PTPN14: variants seen among roughly 807,000 people sequenced by gnomAD.
The protein encoded by PTPN14 is tyrosine-protein phosphatase non-receptor type 14.
A neutral mutation model predicts 126.8 loss-of-function variants in PTPN14; 53 were observed. The ratio of observed to expected loss-of-function variants is 0.42; its 90% CI spans 0.34 to 0.53. PTPN14 has a LOEUF of 0.53. Ranked by LOEUF, PTPN14 falls within the 20% of genes least tolerant of loss-of-function variation. PTPN14 has a pLI of 0.08. For synonymous variants in PTPN14, 630 were observed against 599.3 expected, an observed-to-expected ratio of 1.05 and a Z score of -0.75; for missense variants, 1,257 against 1,552.9, an observed-to-expected ratio of 0.81 and a Z score of 3.20.
chr1:214,359,340 A>G (rs1657899063), intron 18 of PTPN14, among the ~76,000 whole-genome samples: 1 of 150,054 alleles, frequency 6.7e-6, no homozygotes, highest in Non-Finnish European at 1.5e-5. Flanking sequence ...CAGCCTCCTG[A>G]GTAGCTGGGA....
chr1:214,543,029 G>A (rs993352084), intron 1 of PTPN14, among the ~76,000 whole-genome samples: 7 of 152,210 alleles, frequency 4.6e-5, no homozygotes, highest in African/African-American at 1.7e-4. Context: ...AGAACAGGCT[G>A]TCTTGGATAT....
At chr1:214,519,026 T>TGG (rs1387580870) in intron 1 of PTPN14, among the ~76,000 whole-genome samples, 3 of 152,146 alleles carry the variant, frequency 2.0e-5, no homozygotes, top group Non-Finnish European at 2.9e-5. Flanking sequence ...CCTAGCACTT[T>TGG]GGGAGTCCAA....
At chr1:214,435,255 C>T (rs113917505) in intron 3 of PTPN14, among the ~76,000 whole-genome samples, 25 of 148,586 alleles carry the variant, frequency 1.7e-4, no homozygotes, top group East Asian at 1.6e-3. Context: ...TGTGTGTGTG[C>T]GTGTGTGTGT....
At chr1:214,444,117 T>C (rs943262987) in intron 3 of PTPN14, among the ~76,000 whole-genome samples, 1 of 152,306 alleles carries the variant, frequency 6.6e-6, no homozygotes, top group African/African-American at 2.4e-5. Context: ...AATCAACTTA[T>C]CTCATTTTGG....
chr1:214,380,181 T>C (rs1242544511), intron 13 of PTPN14, among the ~76,000 whole-genome samples: 1 of 152,230 alleles, frequency 6.6e-6, no homozygotes, highest in African/African-American at 2.4e-5. Flanking sequence ...CTTGGGAATC[T>C]ATTTTCACTG....
chr1:214,497,194 C>CA lies in PTPN14; in HGVS notation c.-154-32238dup, dbSNP rs541779527. ...AAATACTTGCAACATATGTAACAGACAAAAAAAGTTAGTATCAAAGAAATC... is the reference window on the plus strand; with the variant it reads ...AAATACTTGCAACATATGTAACAGACAAAAAAAAGTTAGTATCAAAGAAATC... On this transcript the variant is annotated intron_variant, in intron 1 of 18. Coordinates refer to ENST00000366956, the MANE Select transcript of PTPN14 (RefSeq NM_005401.5). Among the ~76,000 whole-genome samples the CA allele has an allele frequency of 2.4e-4, 37 of 151,552 alleles. 1 individual carries two copies. The South Asian group carries it at 3.7e-3, about 15-fold the overall frequency.
chr1:214,408,469 C>T, intron 5 of PTPN14, among the ~76,000 whole-genome samples: 1 of 152,180 alleles, frequency 6.6e-6, no homozygotes, highest in Non-Finnish European at 1.5e-5. Context: ...GGGGTTAAAA[C>T]CTAGTCTTAT....
At chr1:214,419,723 A>C (rs1659501641) in intron 3 of PTPN14, among the ~76,000 whole-genome samples, 1 of 152,202 alleles carries the variant, frequency 6.6e-6, no homozygotes, top group African/African-American at 2.4e-5. Flanking sequence ...GTAGTCCTAG[A>C]GTCCTGGGGT....
intron 14 of PTPN14, among the ~76,000 whole-genome samples, chr1:214,376,888 G>A (rs1658354960): frequency 6.6e-6 from 1 of 152,048 alleles, no homozygotes; most frequent in South Asian, 2.1e-4. Context: ...GTATTAATTG[G>A]GTTAAATGAT....
chr1:214,377,760 C>G (rs796844161), intron 14 of PTPN14, among the ~76,000 whole-genome samples, 199 bp downstream of exon 14: 2 of 152,248 alleles, frequency 1.3e-5, no homozygotes, highest in African/African-American at 4.8e-5. Context: ...CCGGACAAAG[C>G]AGGAAGACCG....
intron 4 of PTPN14, 105 bp downstream of exon 4, chr1:214,414,524 C>T (rs1051742237): frequency 1.9e-6 from 2 of 1,045,956 alleles, no homozygotes; most frequent in African/African-American, 3.2e-5. Flanking sequence ...GGGAGCATTA[C>T]TAAGGGATCA....
Position 214,353,592 on chromosome 1 carries a change from A to G in PTPN14, c.*4330T>C, listed in dbSNP as rs1657749598. The G allele has an allele frequency of 6.6e-6, 1 of 152,218 alleles. No homozygotes were observed. The highest frequency in any genetic ancestry group is 1.5e-5 in the Non-Finnish European group (1 of 68,040). 9.4% of individuals were successfully genotyped at this position (152,218 alleles called of 1,614,324 possible). ...TTTGGGACCCATACGTCACGTAACA[A>G]GTAGGCTGAGGTCAGCTAATACAGA... On this transcript the variant is annotated 3_prime_UTR_variant, in exon 19 of 19. Transcript: ENST00000366956.
intron 1 of PTPN14, among the ~76,000 whole-genome samples, chr1:214,503,744 G>A (rs1654764187): frequency 6.6e-6 from 1 of 152,152 alleles, no homozygotes; most frequent in Non-Finnish European, 1.5e-5. Context: ...ACTAATGTCA[G>A]CAATGTTGTG....
At chr1:214,405,975 A>G (rs2102571977) in intron 5 of PTPN14, among the ~76,000 whole-genome samples, 1 of 152,306 alleles carries the variant, frequency 6.6e-6, no homozygotes, top group South Asian at 2.1e-4. Context: ...TGCCAACCAC[A>G]GGTCACAGTG....
Position 214,521,757 on chromosome 1 carries a change from T to C in PTPN14, c.-155+29426A>G, listed in dbSNP as rs117110949. 8.6e-4 allele frequency among the ~76,000 whole-genome samples: 130 copies of C among 151,590 alleles called. 3 individuals are homozygous for C. In the East Asian group the frequency reaches 0.023, roughly 26 times the overall value. ...CACACACACACACGAACAAAAGAAC[T>C]AGAAGACTTCAATAAGAAAAACAAC... On this transcript the variant is annotated intron_variant, in intron 1 of 18. Transcript: ENST00000366956.
At chr1:214,442,368 A>G (rs756836103) in intron 3 of PTPN14, among the ~76,000 whole-genome samples, 5 of 152,214 alleles carry the variant, frequency 3.3e-5, no homozygotes, top group Non-Finnish European at 7.3e-5. Flanking sequence ...GGTACATTAT[A>G]GATTTTGAAT....
chr1:214,466,107 C>A (rs1233754098), intron 1 of PTPN14, among the ~76,000 whole-genome samples: 1 of 151,288 alleles, frequency 6.6e-6, no homozygotes, highest in African/African-American at 2.4e-5. Flanking sequence ...CAGGCACCCG[C>A]CACCACACCT....
chr1:214,371,201 C>T (rs1165863552), intron 16 of PTPN14, among the ~76,000 whole-genome samples: 1 of 152,140 alleles, frequency 6.6e-6, no homozygotes, highest in Admixed American at 6.5e-5. Context: ...GGGTCCTTGG[C>T]CACCCCCCTG....
At chr1:214,379,628 C>T (rs984214305) in intron 13 of PTPN14, among the ~76,000 whole-genome samples, 12 of 152,242 alleles carry the variant, frequency 7.9e-5, no homozygotes, top group African/African-American at 2.4e-4. Flanking sequence ...GCCTCCCATT[C>T]TATTCAAAGT....
Sources: gnomAD v4.1 joint callset for allele counts (sites outside exome capture counted in the v4.1 genomes callset) on GRCh38, gnomAD v4.1.1 for gene constraint, MANE v1.5 for transcripts, NCBI Gene and HGNC (gene_info 2026-07-23, HGNC 2026-07-21) for gene names.